Variants in STK32B observed in about 807,000 individuals in gnomAD.
The protein encoded by STK32B is serine/threonine-protein kinase 32B.
A neutral mutation model predicts 52.6 loss-of-function variants in STK32B; 43 were observed. The observed-to-expected ratio is 0.82, with a 90% confidence interval of 0.64 to 1.05. STK32B has a LOEUF of 1.05. Among genes scored for constraint, STK32B ranks in the 50% least tolerant of loss-of-function variants. The pLI is 0.00. For synonymous variants in STK32B, 238 were observed against 204.3 expected (o/e 1.17, Z -1.41); for missense variants, 621 against 534.6 (o/e 1.16, Z -1.59).
intron 4 of STK32B, among the ~76,000 whole-genome samples, chr4:5,375,750 ATGACTGT>A (rs573722262): frequency 1.2e-4 from 18 of 152,002 alleles, no homozygotes; most frequent in Non-Finnish European, 2.4e-4. Context: ...ATGTCTACTG[ATGACTGT>A]TCCTCAGTAT....
At chr4:5,209,489 G>T (rs1368854529) in intron 3 of STK32B, among the ~76,000 whole-genome samples, 3 of 152,174 alleles carry the variant, frequency 2.0e-5, no homozygotes, top group East Asian at 3.9e-4. Flanking sequence ...CTCCCAGAGT[G>T]CTGGGATTAT....
chr4:5,399,729 G>T lies in STK32B; in HGVS notation c.472+1485G>T, dbSNP rs1157391204. On this transcript the variant is annotated intron_variant, in intron 5 of 11. Coordinates refer to ENST00000282908, the MANE Select transcript of STK32B (RefSeq NM_018401.3). This position sits in a 1 kb window ranked among gnomAD's most constrained non-coding sequence, Gnocchi z 5.4. ...GTGTCTCAGCCTTCCCAGCAGCGATGCAGAAGTAATTGACCCACCTTGCAG... is the reference window on the plus strand; with the variant it reads ...GTGTCTCAGCCTTCCCAGCAGCGATTCAGAAGTAATTGACCCACCTTGCAG... 6.6e-6 allele frequency among the ~76,000 whole-genome samples: 1 copy of T among 152,156 alleles called. No homozygotes were observed. The highest frequency in any genetic ancestry group is 1.5e-5 in the Non-Finnish European group (1 of 68,034).
intron 3 of STK32B, among the ~76,000 whole-genome samples, chr4:5,317,224 T>TA (rs1491141469): frequency 1.0e-4 from 4 of 38,676 alleles, no homozygotes; most frequent in African/African-American, 1.0e-3. Context: ...CATATATATA[T>TA]TATATATAAC....
At chr4:5,344,001 A>G (rs1733282235) in intron 4 of STK32B, among the ~76,000 whole-genome samples, 1 of 152,182 alleles carries the variant, frequency 6.6e-6, no homozygotes, top group East Asian at 1.9e-4. Context: ...AAATAGAGCA[A>G]ATGAACAATG....
intron 11 of STK32B, among the ~76,000 whole-genome samples, chr4:5,495,490 A>T (rs931512216): frequency 6.6e-6 from 1 of 152,028 alleles, no homozygotes; most frequent in African/African-American, 2.4e-5. Flanking sequence ...AATTTTTTTC[A>T]AAGTTTTCAA....
chr4:5,344,647 T>A (rs542641864), intron 4 of STK32B, among the ~76,000 whole-genome samples: 1 of 152,008 alleles, frequency 6.6e-6, no homozygotes, highest in South Asian at 2.1e-4. Flanking sequence ...CTTATCTGAG[T>A]TTTTTGTTTT....
At chr4:5,176,259 G>T (rs115828472) in intron 3 of STK32B, among the ~76,000 whole-genome samples, 28,500 of 151,972 alleles carry the variant, frequency 0.19, 3,370 homozygotes, top group East Asian at 0.31. Flanking sequence ...CAGGTGAGGC[G>T]ATGCCTCGCC....
At chr4:5,163,801 C>T (rs563430455) in intron 2 of STK32B, among the ~76,000 whole-genome samples, 8 of 152,190 alleles carry the variant, frequency 5.3e-5, no homozygotes, top group Non-Finnish European at 1.0e-4. Context: ...AAATTCCAAA[C>T]ATTAAACCTT....
intron 2 of STK32B, among the ~76,000 whole-genome samples, chr4:5,150,710 G>T (rs548672349): frequency 2.6e-5 from 4 of 151,746 alleles, no homozygotes; most frequent in Non-Finnish European, 2.9e-5. Context: ...TACTCTTGGA[G>T]TTCTCCTCTT....
intron 4 of STK32B, among the ~76,000 whole-genome samples, chr4:5,338,796 T>A (rs999555345): frequency 1.3e-5 from 2 of 152,198 alleles, no homozygotes; most frequent in African/African-American, 4.8e-5. Context: ...AAAGGAGATA[T>A]CCAGTAATTT....
chr4:5,366,192 T>A (rs1305249080), intron 4 of STK32B, among the ~76,000 whole-genome samples: 1 of 152,114 alleles, frequency 6.6e-6, no homozygotes, highest in African/African-American at 2.4e-5. Flanking sequence ...TGGGCCTTGA[T>A]AGAGTTGGCA....
At chr4:5,175,705 T>C (rs893027589) in intron 3 of STK32B, among the ~76,000 whole-genome samples, 2 of 152,208 alleles carry the variant, frequency 1.3e-5, no homozygotes, top group African/African-American at 4.8e-5. Flanking sequence ...GGTGTCAATC[T>C]GCCCCTACTG....
At chr4:5,139,419 A>G (rs1277833926) in intron 1 of STK32B, 3 of 157,364 alleles carry the variant, frequency 1.9e-5, no homozygotes, top group Admixed American at 1.8e-4. Context: ...GCCCATGACA[A>G]GAGAACAGTT....
intron 4 of STK32B, among the ~76,000 whole-genome samples, chr4:5,357,997 G>T (rs1199835668): frequency 1.3e-5 from 2 of 152,310 alleles, no homozygotes; most frequent in Non-Finnish European, 2.9e-5. Context: ...CATTTAGGAT[G>T]AAAATTCCAA....
At chr4:5,288,830 T>A (rs1728709097) in intron 3 of STK32B, among the ~76,000 whole-genome samples, 1 of 152,338 alleles carries the variant, frequency 6.6e-6, no homozygotes, top group African/African-American at 2.4e-5. Context: ...CTATGTTTTG[T>A]TCTGAAATAA....
intron 3 of STK32B, among the ~76,000 whole-genome samples, chr4:5,315,454 A>C (rs928905427): frequency 6.6e-6 from 1 of 152,136 alleles, no homozygotes; most frequent in African/African-American, 2.4e-5. Context: ...TATGTCAAAC[A>C]CTGCTTCAAG....
At chr4:5,179,756 G>T (rs1210032052) in intron 3 of STK32B, among the ~76,000 whole-genome samples, 2 of 152,222 alleles carry the variant, frequency 1.3e-5, no homozygotes, top group African/African-American at 4.8e-5. Context: ...ACTTGCTTAA[G>T]CACAAAAGGG....
At chr4:5,054,597 G>C (rs963246805) in intron 1 of STK32B, among the ~76,000 whole-genome samples, 1 of 152,134 alleles carries the variant, frequency 6.6e-6, no homozygotes, top group Non-Finnish European at 1.5e-5. Context: ...ATGCCTGGCC[G>C]GCCTTAAAGG....
chr4:5,145,253 C>T (rs1476668262), intron 2 of STK32B, among the ~76,000 whole-genome samples: 2 of 152,206 alleles, frequency 1.3e-5, no homozygotes, highest in Admixed American at 1.3e-4. Flanking sequence ...CTTCTACCCA[C>T]ACATCAATCC....
Sources: allele counts gnomAD v4.1 joint callset (sites outside exome capture counted in the v4.1 genomes callset), GRCh38; gene constraint gnomAD v4.1.1; non-coding constraint Gnocchi (gnomAD v3.1); transcripts MANE v1.5; gene names NCBI Gene and HGNC (gene_info 2026-07-23, HGNC 2026-07-21).